Variants in FMN2 observed in about 807,000 individuals in gnomAD.
FMN2 encodes formin 2.
FMN2 carries 51 observed loss-of-function variants against 142.3 expected under a neutral mutation model. The ratio of observed to expected loss-of-function variants is 0.36; its 90% CI spans 0.29 to 0.45. FMN2 has a LOEUF of 0.45. Among genes scored for constraint, FMN2 ranks in the 20% least tolerant of loss-of-function variants. The pLI, the probability that FMN2 is intolerant of heterozygous loss-of-function variation, is 1.00. For missense variants in FMN2, 1,936 were observed against 2,122.8 expected (o/e 0.91, Z 1.73); for synonymous variants, 882 against 869.8 (o/e 1.01, Z -0.25).
At chr1:240,214,776 G>A (rs1014778840) in intron 6 of FMN2, among the ~76,000 whole-genome samples, 2 of 152,196 alleles carry the variant, frequency 1.3e-5, no homozygotes, top group South Asian at 4.1e-4. Flanking sequence ...GGATTAAAAA[G>A]TTTAACCCAC....
At chr1:240,218,914 C>T (rs1457173927) in intron 6 of FMN2, among the ~76,000 whole-genome samples, 1 of 152,078 alleles carries the variant, frequency 6.6e-6, no homozygotes, top group Non-Finnish European at 1.5e-5. Context: ...AAAGATAGTG[C>T]AAACTGTGGG....
intron 2 of FMN2, among the ~76,000 whole-genome samples, chr1:240,159,912 T>TATTATATTATATATATATATATATTAA (rs1664195157): frequency 3.7e-5 from 3 of 80,328 alleles, no homozygotes; most frequent in African/African-American, 2.4e-4. Flanking sequence ...TGTGTATATA[T>TATTATATTATATATATATATATATTAA]ATATATATAT....
At chr1:240,285,371 GTT>G (rs989631307) in intron 7 of FMN2, 1 of 444,782 alleles carries the variant, frequency 2.2e-6, no homozygotes, top group Non-Finnish European at 4.5e-6. Flanking sequence ...TGTGCTGTCT[GTT>G]AGACACCCAA....
intron 8 of FMN2, 107 bp downstream of exon 8, chr1:240,294,990 C>A: frequency 2.1e-6 from 2 of 956,194 alleles, no homozygotes; most frequent in Non-Finnish European, 3.1e-6. Context: ...GAAATTTGAT[C>A]CGAGTGTAGT....
At chr1:240,309,466 C>G (rs1572179001) in intron 8 of FMN2, among the ~76,000 whole-genome samples, 1 of 152,130 alleles carries the variant, frequency 6.6e-6, no homozygotes, top group Non-Finnish European at 1.5e-5. Flanking sequence ...CAAGCCTTGG[C>G]TGGTGCAGGT....
chr1:240,188,749 A>G (rs1408921932), intron 4 of FMN2, among the ~76,000 whole-genome samples: 1 of 152,160 alleles, frequency 6.6e-6, no homozygotes, highest in African/African-American at 2.4e-5. Context: ...CCGTTTTCAC[A>G]CTGCTGATAA....
chr1:240,285,351 A>G (rs1572154234), intron 7 of FMN2: 1 of 452,906 alleles, frequency 2.2e-6, no homozygotes, highest in South Asian at 1.6e-5. Flanking sequence ...ACAGAAGAAC[A>G]TGTATAGAGT....
chr1:240,296,438 C>CTTTTTTTTTTTTTTTTTTTTTTTTTT (rs772711130), intron 8 of FMN2, among the ~76,000 whole-genome samples: 2 of 46,910 alleles, frequency 4.3e-5, no homozygotes, highest in African/African-American at 9.9e-5. Context: ...TCTTTGAGTG[C>CTTTTTTTTTTTTTTTTTTTTTTTTTT]TTTTTTTTTT....
chr1:240,355,317 A>G (rs919545076), intron 13 of FMN2, among the ~76,000 whole-genome samples: 1 of 152,144 alleles, frequency 6.6e-6, no homozygotes, highest in Non-Finnish European at 1.5e-5. Context: ...CACCCATGTT[A>G]TTATTTATTA....
chr1:240,138,878 CT>C (rs1220270388), intron 2 of FMN2, among the ~76,000 whole-genome samples: 1 of 152,054 alleles, frequency 6.6e-6, no homozygotes, highest in Non-Finnish European at 1.5e-5. Flanking sequence ...ATAAAATAAT[CT>C]TACTTATATT....
chr1:240,119,550 C>T (rs1052831799), intron 1 of FMN2, among the ~76,000 whole-genome samples: 1 of 152,150 alleles, frequency 6.6e-6, no homozygotes, highest in African/African-American at 2.4e-5. Flanking sequence ...GTGGCTGTGC[C>T]ACCGCCATCC....
At chr1:240,147,628 G>C (rs1374657138) in intron 2 of FMN2, among the ~76,000 whole-genome samples, 3 of 152,144 alleles carry the variant, frequency 2.0e-5, no homozygotes, top group African/African-American at 7.2e-5. Flanking sequence ...AAAGTGCTAG[G>C]AATACAGGTG....
intron 6 of FMN2, among the ~76,000 whole-genome samples, chr1:240,237,675 T>C (rs1482981357): frequency 1.3e-5 from 2 of 148,428 alleles, no homozygotes; most frequent in Non-Finnish European, 3.0e-5. Context: ...TGGCATTAAT[T>C]CACTCCATTA....
chr1:240,332,013 A>C (rs555376090), intron 11 of FMN2, among the ~76,000 whole-genome samples: 1 of 152,152 alleles, frequency 6.6e-6, no homozygotes, highest in South Asian at 2.1e-4. Context: ...AAGCATCGGG[A>C]GTCGGAGACT....
At chr1:240,142,810 T>A in intron 2 of FMN2, 7 of 1,587,208 alleles carry the variant, frequency 4.4e-6, no homozygotes, top group Non-Finnish European at 6.1e-6. Context: ...AACCCTGTGA[T>A]GGTCTTAGGC....
At chr1:240,102,412 AT>A (rs1383463855) in intron 1 of FMN2, among the ~76,000 whole-genome samples, 1 of 152,222 alleles carries the variant, frequency 6.6e-6, no homozygotes, top group African/African-American at 2.4e-5. Flanking sequence ...AATAAAAGAA[AT>A]GAGGTAACAA....
chr1:240,309,216 G>A (rs1670516888), intron 8 of FMN2, among the ~76,000 whole-genome samples: 1 of 152,118 alleles, frequency 6.6e-6, no homozygotes, highest in African/African-American at 2.4e-5. Context: ...CTTGGAAGGG[G>A]GTCCCCTCTC....
Position 240,330,710 on chromosome 1 carries a change from A to G in FMN2, c.4545A>G (p.Gly1515=), listed in dbSNP as rs756825029. Residue 1515 remains glycine (G), a synonymous_variant, in exon 11 of 18, where the codon GGA becomes GGG. Coordinates refer to ENST00000319653, the MANE Select transcript of FMN2 (RefSeq NM_020066.5). The part of the protein sequence containing the change: ...NKTRGQADGF[G]LDILPKLKDV... Reference sequence around the variant, plus strand: ...CTCGAGGACAGGCAGATGGCTTTGGATTAGACATTCTTCCAAAACTGAAAG... The same window carrying G: ...CTCGAGGACAGGCAGATGGCTTTGGGTTAGACATTCTTCCAAAACTGAAAG... 1 of 1,614,050 alleles carries G rather than the reference A, an allele frequency of 6.2e-7. No homozygotes were observed. Among genetic ancestry groups the G allele is most frequent in the Non-Finnish European group, 8.5e-7 (1 of 1,179,926 alleles).
intron 3 of FMN2, among the ~76,000 whole-genome samples, chr1:240,184,465 CTCGGCCTCCCGAAG>C (rs1665303226): frequency 6.7e-6 from 1 of 150,214 alleles, no homozygotes; most frequent in African/African-American, 2.4e-5. Flanking sequence ...ATCTGCCCGC[CTCGGCCTCCCGAAG>C]TGCTGGGATT....
Sources: allele counts gnomAD v4.1 joint callset (sites outside exome capture counted in the v4.1 genomes callset), GRCh38; gene constraint gnomAD v4.1.1; transcripts MANE v1.5; gene names NCBI Gene and HGNC (gene_info 2026-07-23, HGNC 2026-07-21).